The following NRG3 variants were observed in gnomAD, a reference collection of about 807,000 sequenced individuals.
NRG3 encodes the protein neuregulin 3, also known as pro-neuregulin-3, membrane-bound isoform.
A neutral mutation model predicts 66.9 loss-of-function variants in NRG3; 31 were observed. The observed-to-expected ratio is 0.46, with a 90% CI of 0.35 to 0.63. NRG3 has a LOEUF of 0.63. NRG3 is among the 20% of genes least tolerant of loss of function. The pLI, the probability that NRG3 is intolerant of heterozygous loss-of-function variation, is 0.00. For synonymous variants in NRG3, 393 were observed against 359.4 expected (o/e 1.09, Z -1.06); for missense variants, 910 against 878.9 (o/e 1.04, Z -0.45).
chr10:82,240,349 A>C (rs1178295680), intron 1 of NRG3, among the ~76,000 whole-genome samples: 1 of 152,188 alleles, frequency 6.6e-6, no homozygotes, highest in African/African-American at 2.4e-5. Flanking sequence ...TCCAAATATG[A>C]AGATGAAAGT....
chr10:82,129,769 C>G (rs1005308827), intron 1 of NRG3, among the ~76,000 whole-genome samples: 3 of 152,014 alleles, frequency 2.0e-5, no homozygotes, highest in African/African-American at 7.3e-5. Flanking sequence ...TCATGTTGGT[C>G]AGGCTGGTCT....
intron 1 of NRG3, among the ~76,000 whole-genome samples, chr10:82,072,278 G>T (rs571580401): frequency 6.6e-6 from 1 of 152,200 alleles, no homozygotes; most frequent in Non-Finnish European, 1.5e-5. Context: ...AACATGAAGT[G>T]TGATTTTAAG....
At chr10:82,600,775 A>C (rs1053772153) in intron 2 of NRG3, among the ~76,000 whole-genome samples, 1 of 151,794 alleles carries the variant, frequency 6.6e-6, no homozygotes, top group Admixed American at 6.6e-5. Context: ...GCCATATCTC[A>C]TTTATTTTTA....
chr10:82,488,132 G>A (rs955275371), intron 2 of NRG3, among the ~76,000 whole-genome samples: 2 of 152,196 alleles, frequency 1.3e-5, no homozygotes, highest in Non-Finnish European at 2.9e-5. Context: ...ATTGCATGAA[G>A]TTGGCTACTT....
At chr10:82,374,614 G>A (rs1377726277) in intron 2 of NRG3, among the ~76,000 whole-genome samples, 1 of 152,118 alleles carries the variant, frequency 6.6e-6, no homozygotes, top group Non-Finnish European at 1.5e-5. Flanking sequence ...TGCAGATTAC[G>A]GTACAGTGGT....
intron 4 of NRG3, among the ~76,000 whole-genome samples, chr10:82,934,862 C>CTT (rs1847910463): frequency 6.6e-6 from 1 of 152,110 alleles, no homozygotes; most frequent in Non-Finnish European, 1.5e-5. Context: ...TTCAGTGGAC[C>CTT]ACAATGTCCA....
chr10:82,915,619 T>A (rs2132012064), intron 4 of NRG3, among the ~76,000 whole-genome samples: 1 of 147,010 alleles, frequency 6.8e-6, no homozygotes, highest in African/African-American at 2.5e-5. Flanking sequence ...AGTGAATTCT[T>A]TTGCACTTCA....
chr10:82,822,985 T>C (rs996305721), intron 3 of NRG3, among the ~76,000 whole-genome samples: 1 of 152,198 alleles, frequency 6.6e-6, no homozygotes, highest in Non-Finnish European at 1.5e-5. Flanking sequence ...ACAATTCGAA[T>C]GCCTAGTATA....
intron 2 of NRG3, among the ~76,000 whole-genome samples, chr10:82,657,641 C>G (rs1196072171): frequency 6.8e-6 from 1 of 146,624 alleles, no homozygotes; most frequent in Non-Finnish European, 1.5e-5. Context: ...AACACTTGTG[C>G]AAGAAAAAAG....
At chr10:82,635,989 C>T (rs936406450) in intron 2 of NRG3, among the ~76,000 whole-genome samples, 2 of 151,936 alleles carry the variant, frequency 1.3e-5, no homozygotes, top group African/African-American at 4.8e-5. Context: ...GTGTCAAAGT[C>T]CAAGGGAATC....
chr10:82,113,385 G>A (rs1019881829), intron 1 of NRG3, among the ~76,000 whole-genome samples: 2 of 152,144 alleles, frequency 1.3e-5, no homozygotes, highest in East Asian at 1.9e-4. Flanking sequence ...GTAGCTTTTC[G>A]CTGATGGAGA....
At position 82,738,643 on chromosome 10, in the gene NRG3, G is replaced by T; in HGVS notation, c.1020G>T (p.Ser340=). Residue 340 remains serine (S), a synonymous_variant, in exon 3 of 9, where the codon TCG becomes TCT. Transcript: ENST00000372141. The part of the protein sequence containing the change: ...QFLPKTDSIL[S]DPTDHLGIEF... ...TGCCGAAAACTGATTCCATCTTATC[G>T]GATCCAAGTAGGTCAAGCATTTTTC... is the stretch of plus-strand genomic sequence containing the variant. The T allele has an allele frequency of 6.2e-7, 1 of 1,613,906 alleles. No homozygotes were observed. Among genetic ancestry groups the T allele is most frequent in the Non-Finnish European group, 8.5e-7 (1 of 1,179,844 alleles).
At chr10:82,551,330 T>C (rs1435364044) in intron 2 of NRG3, among the ~76,000 whole-genome samples, 2 of 152,002 alleles carry the variant, frequency 1.3e-5, no homozygotes, top group Non-Finnish European at 2.9e-5. Flanking sequence ...ACTTTGTATT[T>C]AAAAAAAATC....
intron 1 of NRG3, among the ~76,000 whole-genome samples, chr10:82,150,076 A>G (rs2070591812): frequency 2.0e-5 from 3 of 151,926 alleles, no homozygotes; most frequent in African/African-American, 7.3e-5. Context: ...CCATCAATCT[A>G]TTCCAGCCCT....
At chr10:82,198,095 G>T (rs1206573334) in intron 1 of NRG3, among the ~76,000 whole-genome samples, 1 of 152,064 alleles carries the variant, frequency 6.6e-6, no homozygotes, top group Non-Finnish European at 1.5e-5. Flanking sequence ...TTACATGGTT[G>T]TTCCATTAAA....
At chr10:82,972,829 T>A (rs1424725528) in intron 6 of NRG3, among the ~76,000 whole-genome samples, 5 of 152,158 alleles carry the variant, frequency 3.3e-5, no homozygotes, top group South Asian at 2.1e-4. Context: ...TGATTTTTTT[T>A]ATCAGTGCTT....
intron 2 of NRG3, among the ~76,000 whole-genome samples, chr10:82,606,603 C>G (rs1241910257): frequency 6.6e-6 from 1 of 152,036 alleles, no homozygotes; most frequent in East Asian, 1.9e-4. Context: ...ACAAGGTTAA[C>G]AAGAATTACA....
chr10:82,186,746 G>A (rs941778996), intron 1 of NRG3, among the ~76,000 whole-genome samples: 2 of 152,110 alleles, frequency 1.3e-5, no homozygotes, highest in Non-Finnish European at 2.9e-5. Flanking sequence ...CTTACACACC[G>A]ATGGAATTTA....
chr10:82,440,571 TA>T (rs2090384183), intron 2 of NRG3, among the ~76,000 whole-genome samples: 1 of 152,090 alleles, frequency 6.6e-6, no homozygotes, highest in Non-Finnish European at 1.5e-5. Flanking sequence ...GAGATGTGGC[TA>T]ATATCTTATC....
Sources: gnomAD v4.1 joint callset for allele counts (sites outside exome capture counted in the v4.1 genomes callset) on GRCh38, gnomAD v4.1.1 for gene constraint, MANE v1.5 for transcripts, NCBI Gene and HGNC (gene_info 2026-07-23, HGNC 2026-07-21) for gene names.